The following SRBD1 variants were observed in gnomAD, a reference collection of about 807,000 sequenced individuals.
SRBD1 encodes the protein S1 RNA binding domain 1.
Under a neutral mutation model 115.3 loss-of-function variants are expected in SRBD1, and 88 were observed. That is an observed-to-expected ratio of 0.76 (90% CI 0.64 to 0.91). SRBD1 has a LOEUF of 0.91. Among genes scored for constraint, SRBD1 ranks in the 40% least tolerant of loss-of-function variants. SRBD1 has a pLI of 0.00. For synonymous variants in SRBD1, 509 were observed against 407.7 expected, an observed-to-expected ratio of 1.25 and a Z score of -2.99; for missense variants, 1,385 against 1,177.4, an observed-to-expected ratio of 1.18 and a Z score of -2.58.
In SRBD1 at chr2:45,599,392, C is replaced by T. The variant is rs930629464; in HGVS notation, c.648+57G>A. The T allele has an allele frequency of 4.5e-6, 7 of 1,566,718 alleles. No homozygotes were observed. The African/African-American group carries it at 9.5e-5, about 21-fold the overall frequency. On this transcript the variant is annotated intron_variant, in intron 4 of 20. Transcript: ENST00000263736. ...TCCCTTAGACAGTACAACCCCTATGCTAGTCAAAAAGAAAGCACTCAAAAC... is the reference window on the plus strand; with the variant it reads ...TCCCTTAGACAGTACAACCCCTATGTTAGTCAAAAAGAAAGCACTCAAAAC...
chr2:45,461,779 C>CT (rs1669325215), intron 16 of SRBD1, among the ~76,000 whole-genome samples: 1 of 152,144 alleles, frequency 6.6e-6, no homozygotes, highest in Non-Finnish European at 1.5e-5. Context: ...TTTTCCTTGA[C>CT]TCTTATTTGA....
intron 19 of SRBD1, among the ~76,000 whole-genome samples, chr2:45,403,860 A>C (rs768430005): frequency 3.2e-4 from 48 of 152,256 alleles, no homozygotes; most frequent in Middle Eastern, 6.8e-3. Context: ...CTCTAAGATC[A>C]GTTCAGTGTT....
At chr2:45,461,338 A>AC (rs1317321446) in intron 16 of SRBD1, among the ~76,000 whole-genome samples, 3 of 152,176 alleles carry the variant, frequency 2.0e-5, no homozygotes, top group Non-Finnish European at 2.9e-5. Flanking sequence ...AATGGTTGGT[A>AC]CTTGGCACAT....
At chr2:45,576,022 AT>A (rs1673166111) in intron 7 of SRBD1, among the ~76,000 whole-genome samples, 1 of 152,098 alleles carries the variant, frequency 6.6e-6, no homozygotes, top group South Asian at 2.1e-4. Context: ...ACATGGATTA[AT>A]TACAATAAAA....
chr2:45,439,868 A>T (rs1475958364), intron 16 of SRBD1, among the ~76,000 whole-genome samples: 1 of 152,094 alleles, frequency 6.6e-6, no homozygotes, highest in Non-Finnish European at 1.5e-5. Context: ...AGTTTAGAAG[A>T]CAACAGCAGT....
chr2:45,486,378 A>C (rs1375057767), intron 15 of SRBD1, among the ~76,000 whole-genome samples: 1 of 152,172 alleles, frequency 6.6e-6, no homozygotes, highest in Non-Finnish European at 1.5e-5. Context: ...GTACACAAAT[A>C]TTATGTGCAC....
At chr2:45,546,574 C>T (rs980798436) in intron 14 of SRBD1, among the ~76,000 whole-genome samples, 158 bp downstream of exon 14, 8 of 152,228 alleles carry the variant, frequency 5.3e-5, no homozygotes, top group African/African-American at 1.9e-4. Flanking sequence ...AAGAGTCAGA[C>T]ACTTTACATT....
intron 2 of SRBD1, 138 bp downstream of exon 2, chr2:45,605,224 C>T: frequency 1.5e-6 from 1 of 689,192 alleles, no homozygotes; most frequent in East Asian, 2.6e-5. Flanking sequence ...ATGAGTTCAA[C>T]AAATACTTGT....
intron 16 of SRBD1, among the ~76,000 whole-genome samples, chr2:45,437,420 A>G (rs1668531503): frequency 6.6e-6 from 1 of 152,128 alleles, no homozygotes; most frequent in Non-Finnish European, 1.5e-5. Context: ...ACCCATATAC[A>G]TAGAGTCAAC....
intron 15 of SRBD1, among the ~76,000 whole-genome samples, chr2:45,486,347 C>A (rs997467370): frequency 6.6e-6 from 1 of 152,058 alleles, no homozygotes; most frequent in Non-Finnish European, 1.5e-5. Flanking sequence ...AATGAAAGTA[C>A]CCTTTTATCA....
At chr2:45,410,871 G>A (rs1194702522) in intron 19 of SRBD1, among the ~76,000 whole-genome samples, 1 of 152,192 alleles carries the variant, frequency 6.6e-6, no homozygotes, top group Non-Finnish European at 1.5e-5. Context: ...CCATGTAGAA[G>A]TTCCATATCC....
intron 9 of SRBD1, among the ~76,000 whole-genome samples, chr2:45,571,272 G>T (rs1416826210): frequency 6.6e-6 from 1 of 152,038 alleles, no homozygotes; most frequent in Non-Finnish European, 1.5e-5. Context: ...TTCTTTTAGG[G>T]TTTATTTTGT....
intron 14 of SRBD1, among the ~76,000 whole-genome samples, chr2:45,499,446 G>C (rs953845437): frequency 2.3e-4 from 35 of 152,206 alleles, no homozygotes; most frequent in African/African-American, 8.2e-4. Flanking sequence ...CATTCAGTAG[G>C]TTGCTTCTTC....
At chr2:45,575,924 G>A (rs1428981978) in intron 7 of SRBD1, among the ~76,000 whole-genome samples, 4 of 152,128 alleles carry the variant, frequency 2.6e-5, no homozygotes, top group Admixed American at 1.3e-4. Flanking sequence ...GCCTGGTCTC[G>A]AACTCGTGAC....
chr2:45,568,681 T>C (rs779037275), intron 9 of SRBD1, among the ~76,000 whole-genome samples: 2 of 152,132 alleles, frequency 1.3e-5, no homozygotes, highest in Non-Finnish European at 2.9e-5. Flanking sequence ...CCCAATAAAA[T>C]ATTTTCAAGC....
At chr2:45,415,656 G>T (rs1572614546) in intron 18 of SRBD1, among the ~76,000 whole-genome samples, 1 of 20,784 alleles carries the variant, frequency 4.8e-5, no homozygotes, top group Non-Finnish European at 9.1e-5. Context: ...GGGGAGGGGA[G>T]GGGAGGGGAG....
At chr2:45,595,244 C>G (rs1673857585) in intron 4 of SRBD1, among the ~76,000 whole-genome samples, 1 of 152,202 alleles carries the variant, frequency 6.6e-6, no homozygotes, top group Non-Finnish European at 1.5e-5. Flanking sequence ...CTGTAGTTTT[C>G]AGAGTTGAGA....
At chr2:45,610,543 C>G (rs1339198047) in intron 1 of SRBD1, among the ~76,000 whole-genome samples, 3 of 152,196 alleles carry the variant, frequency 2.0e-5, no homozygotes, top group Non-Finnish European at 4.4e-5. Flanking sequence ...AACACCAAGA[C>G]TAGTCTCGTT....
intron 14 of SRBD1, among the ~76,000 whole-genome samples, chr2:45,528,430 T>C (rs1212700967): frequency 1.3e-5 from 2 of 151,568 alleles, no homozygotes; most frequent in Non-Finnish European, 3.0e-5. Flanking sequence ...GAATAAGAAA[T>C]CAAAGAGTAC....
Sources: gnomAD v4.1 joint callset for allele counts (sites outside exome capture counted in the v4.1 genomes callset) on GRCh38, gnomAD v4.1.1 for gene constraint, MANE v1.5 for transcripts, NCBI Gene and HGNC (gene_info 2026-07-23, HGNC 2026-07-21) for gene names.